Variants in PKD1L3 observed in about 807,000 individuals in gnomAD.
PKD1L3 encodes polycystin 1 like 3, transient receptor potential channel interacting.
A neutral mutation model predicts 184.1 loss-of-function variants in PKD1L3; 239 were observed. The ratio of observed to expected loss-of-function variants is 1.30; its 90% CI spans 1.17 to 1.45. The LOEUF is 1.45. PKD1L3 is among the 40% of genes most tolerant of loss of function. PKD1L3 has a pLI of 0.00. For missense variants in PKD1L3, 2,660 were observed against 2,067.2 expected (o/e 1.29, Z -5.56); for synonymous variants, 996 against 778.8 (o/e 1.28, Z -4.64).
At chr16:71,940,323 G>C (rs950351791) in intron 24 of PKD1L3, among the ~76,000 whole-genome samples, 1 of 152,042 alleles carries the variant, frequency 6.6e-6, no homozygotes, top group Non-Finnish European at 1.5e-5. Flanking sequence ...GAAAGTTTAC[G>C]TGCTGCATGG....
chr16:71,980,176 G>T, intron 7 of PKD1L3, 42 bp from the exon 8 acceptor site: 1 of 1,536,988 alleles, frequency 6.5e-7, no homozygotes, highest in Non-Finnish European at 8.8e-7. Context: ...TAAAACCTCA[G>T]TGTCTTATGT....
intron 6 of PKD1L3, among the ~76,000 whole-genome samples, chr16:71,983,813 G>A (rs537776953): frequency 9.2e-4 from 139 of 151,044 alleles, no homozygotes; most frequent in Middle Eastern, 3.4e-3. Context: ...ACAGGTGCCC[G>A]CCACCGAGCC....
chr16:71,954,283 C>A lies in PKD1L3; in HGVS notation c.2631G>T (p.Met877Ile). Residue 877 changes from methionine (M) to isoleucine (I), a missense_variant, in exon 17 of 30, where the codon ATG becomes ATT. Met to Ile is a conservative substitution (Grantham distance 10). Coordinates refer to ENST00000620267, the MANE Select transcript of PKD1L3 (RefSeq NM_181536.2). ...AATCCTGGGTGAACTTTTCCACAAT[C>A]ATGGAGGAAAACAGATGTCTGAAAA... The part of the protein sequence containing the change: ...LFSFRHLFSS[M>I]IVEKFTQDYL... The A allele has an allele frequency of 6.5e-7, 1 of 1,541,368 alleles. No homozygotes were observed. The highest frequency in any genetic ancestry group is 8.7e-7 in the Non-Finnish European group (1 of 1,142,904).
At position 71,942,781 on chromosome 16, in the gene PKD1L3, T is replaced by A; in HGVS notation, c.4103A>T (p.Gln1368Leu). 1 of 1,551,618 alleles carries A rather than the reference T, an allele frequency of 6.4e-7. No individual in the cohort carries two copies. The change falls in exon 24 of 30, where the codon CAA becomes CTA. Residue 1368 changes from glutamine to leucine, a missense_variant. Gln to Leu is a moderately radical substitution (Grantham distance 113). Transcript: ENST00000620267. ...HCKCGVQLIFQIPRTKTYEKV... is the reference protein window; with the variant it reads ...HCKCGVQLIFLIPRTKTYEKV... ...CTCATAGGTCTTGGTACGGGGTATT[T>A]GGAAAATTAATTGTACCCCACATTT...
rs1354854809 is a variant in PKD1L3 at position 71,953,108 on chromosome 16, T to C, written c.2810-15A>G. On this transcript the variant is annotated splice_polypyrimidine_tract_variant and intron_variant, in intron 17 of 29. Transcript: ENST00000620267. ...AAATGGACGCACTGAAAGAAAAGCATGACATCAACTTTCATCTTCAACAAT... is the reference window on the plus strand; with the variant it reads ...AAATGGACGCACTGAAAGAAAAGCACGACATCAACTTTCATCTTCAACAAT... 6.9e-7 allele frequency: 1 copy of C among 1,447,334 alleles called. No homozygotes were observed. The highest frequency in any genetic ancestry group is 9.1e-7 in the Non-Finnish European group (1 of 1,097,656). 89.7% of individuals were successfully genotyped at this position (1,447,334 alleles called of 1,614,324 possible). A position where few individuals can be genotyped will look rare whatever the true frequency, so the allele number is the denominator to read the frequency against.
intron 24 of PKD1L3, among the ~76,000 whole-genome samples, chr16:71,939,424 G>C (rs932570131): frequency 1.3e-5 from 2 of 152,190 alleles, no homozygotes; most frequent in African/African-American, 4.8e-5. Context: ...GGCCACAGAG[G>C]TTTCTGGCTG....
chr16:71,982,209 G>C lies in PKD1L3; in HGVS notation c.993C>G (p.Tyr331Ter), dbSNP rs1244650141. The C allele has an allele frequency of 6.5e-7, 1 of 1,528,004 alleles. No individual in the cohort carries two copies. Among genetic ancestry groups the C allele is most frequent in the Non-Finnish European group, 8.8e-7 (1 of 1,133,062 alleles). 94.7% of individuals were successfully genotyped at this position (1,528,004 alleles called of 1,614,324 possible). A position where few individuals can be genotyped will look rare whatever the true frequency, so the allele number is the denominator to read the frequency against. ...AQVNLINSLI[Y>*]LSEELLRIPF... Reference sequence around the variant, plus strand: ...GGATCCTGAGTAACTCCTCACTCAGGTAAATAAGGGAATTGATGAGATTAA... The same window carrying C: ...GGATCCTGAGTAACTCCTCACTCAGCTAAATAAGGGAATTGATGAGATTAA... The change falls in exon 7 of 30, where the codon TAC becomes TAG. Residue 331 changes from tyrosine to a stop codon, truncating the protein, a stop_gained. Transcript: ENST00000620267. LOFTEE classifies it high-confidence loss of function.
chr16:71,963,284 A>G lies in PKD1L3; in HGVS notation c.2533T>C (p.Trp845Arg). 1.9e-6 allele frequency: 3 copies of G among 1,551,574 alleles called. No individual in the cohort carries two copies. Among genetic ancestry groups the G allele is most frequent in the Non-Finnish European group, 2.6e-6 (3 of 1,146,894 alleles). ...KRKWHFLCNC[W>R]LAVDLGDCEL... ...CAGTCTCCGAGGTCCACAGCCAGCCAGCAATTGCACAGGAAATGCCACTTC... is the reference window on the plus strand; with the variant it reads ...CAGTCTCCGAGGTCCACAGCCAGCCGGCAATTGCACAGGAAATGCCACTTC... Residue 845 changes from tryptophan to arginine, a missense_variant, in exon 16 of 30, where the codon TGG (tryptophan) becomes CGG (arginine). Trp to Arg is a moderately radical substitution (Grantham distance 101). Coordinates refer to ENST00000620267, the MANE Select transcript of PKD1L3 (RefSeq NM_181536.2).
intron 24 of PKD1L3, 33 bp downstream of exon 24, chr16:71,942,527 G>C (rs756819965): frequency 4.0e-6 from 6 of 1,503,008 alleles, no homozygotes; most frequent in Non-Finnish European, 5.4e-6. Flanking sequence ...TCTTTGCTAC[G>C]TGTGGTTGAA....
intron 28 of PKD1L3, chr16:71,930,731 A>G (rs144931417): frequency 6.6e-6 from 1 of 152,264 alleles, no homozygotes; most frequent in Non-Finnish European, 1.5e-5. Context: ...ATACATAAAT[A>G]TCAAGTTCTG....
At chr16:71,984,214 G>A (rs558005843) in intron 5 of PKD1L3, 47 bp from the exon 6 acceptor site, 2 of 1,524,590 alleles carry the variant, frequency 1.3e-6, no homozygotes, top group African/African-American at 1.4e-5. Flanking sequence ...CAAAATTACT[G>A]TACTGTAGTA....
intron 2 of PKD1L3, among the ~76,000 whole-genome samples, chr16:71,994,199 A>AGCTCGAGCAGCCTGCCT (rs1219648264): frequency 6.6e-6 from 1 of 152,180 alleles, no homozygotes; most frequent in Non-Finnish European, 1.5e-5. Context: ...GCTATCGTGA[A>AGCTCGAGCAGCCTGCCT]GCTCGAGCAG....
chr16:71,983,693 C>G (rs1236483129), intron 6 of PKD1L3, among the ~76,000 whole-genome samples: 16 of 66,886 alleles, frequency 2.4e-4, no homozygotes, highest in African/African-American at 8.4e-4. Flanking sequence ...TTTGGAGACA[C>G]AGTCTCTCAG....
chr16:71,982,980 A>G (rs1042805682), intron 6 of PKD1L3, among the ~76,000 whole-genome samples: 1 of 152,216 alleles, frequency 6.6e-6, no homozygotes, highest in Non-Finnish European at 1.5e-5. Context: ...AAAAGTTACA[A>G]TTTGACAGGG....
chr16:71,984,399 C>A (rs1452246888), intron 5 of PKD1L3, among the ~76,000 whole-genome samples: 2 of 152,116 alleles, frequency 1.3e-5, no homozygotes, highest in African/African-American at 4.8e-5. Context: ...AATGATTGCT[C>A]CAAGGGCAAA....
chr16:71,943,672 C>T (rs2038449475), intron 23 of PKD1L3, among the ~76,000 whole-genome samples: 1 of 151,848 alleles, frequency 6.6e-6, no homozygotes, highest in Admixed American at 6.6e-5. Context: ...CAGAATTTGT[C>T]TTATTTGGAC....
intron 28 of PKD1L3, 24 bp downstream of exon 28, chr16:71,933,396 G>A: frequency 1.3e-6 from 2 of 1,493,334 alleles, no homozygotes; most frequent in Non-Finnish European, 1.8e-6. Flanking sequence ...TGAATTCTGT[G>A]AGGAAACAAA....
chr16:71,950,125 G>C lies in PKD1L3; in HGVS notation c.3376C>G (p.Pro1126Ala), dbSNP rs1349713077. The C allele has an allele frequency of 6.4e-7, 1 of 1,551,756 alleles. No individual in the cohort carries two copies. The highest frequency in any genetic ancestry group is 2.4e-5 in the East Asian group (1 of 40,914). ...ETHILPTEQE[P>A]SREVTSFAIL... ...CTTGGTGTGGTGCATTACCTGGATGGCTCTTGCTCCGTGGGAAGAATATGT... is the reference window on the plus strand; with the variant it reads ...CTTGGTGTGGTGCATTACCTGGATGCCTCTTGCTCCGTGGGAAGAATATGT... The change falls in exon 20 of 30, where the codon CCA becomes GCA. Residue 1126 changes from proline to alanine, a missense_variant. By Grantham distance (27) the Pro-to-Ala change is conservative (BLOSUM62 -1). Coordinates refer to ENST00000620267, the MANE Select transcript of PKD1L3 (RefSeq NM_181536.2).
In PKD1L3 at chr16:71,967,992, G is replaced by C. The variant is rs778431292; in HGVS notation, c.2200C>G (p.Leu734Val). The change falls in exon 14 of 30, where the codon CTG (leucine) becomes GTG (valine). Residue 734 changes from leucine (L) to valine (V), a missense_variant. Coordinates refer to ENST00000620267, the MANE Select transcript of PKD1L3 (RefSeq NM_181536.2). ...ADMQKVKVTV[L>V]ADNDPSAQFH... ...TGAGCGCTGGGGTCATTATCAGCCA[G>C]GACAGTGACCTTCACCTGCAAGAAA... is the stretch of plus-strand genomic sequence containing the variant. The C allele has an allele frequency of 1.3e-6, 2 of 1,551,354 alleles. No individual in the cohort carries two copies. The highest frequency in any genetic ancestry group is 2.4e-5 in the South Asian group (2 of 84,058).
Sources: gnomAD v4.1 joint callset for allele counts (sites outside exome capture counted in the v4.1 genomes callset) on GRCh38, gnomAD v4.1.1 for gene constraint, MANE v1.5 for transcripts, NCBI Gene and HGNC (gene_info 2026-07-23, HGNC 2026-07-21) for gene names.